Variants in FCSK observed in about 807,000 individuals in gnomAD.
The protein encoded by FCSK is fucose kinase.
A neutral mutation model predicts 122.5 loss-of-function variants in FCSK; 123 were observed. The observed-to-expected ratio is 1.00, with a 90% CI of 0.87 to 1.17. FCSK has a LOEUF of 1.17. Ranked by LOEUF, FCSK falls within the 50% of genes most tolerant of loss-of-function variation. The pLI is 0.00. For missense variants in FCSK, 1,366 were observed against 1,450.4 expected (o/e 0.94, Z 0.95); for synonymous variants, 620 against 625.5 (o/e 0.99, Z 0.13).
chr16:70,479,197 G>A lies in FCSK; in HGVS notation c.2947G>A (p.Gly983Ser), dbSNP rs1308172389. Reference protein sequence around the residue: ...GFRQGSLPLLGQCLTSYWEQK... With the variant: ...GFRQGSLPLLSQCLTSYWEQK... Reference sequence around the variant, plus strand: ...CACCTCAGGAAGCCTGCCTCTGCTGGGCCAGTGCCTGACCTCGTACTGGGA... The same window carrying A: ...CACCTCAGGAAGCCTGCCTCTGCTGAGCCAGTGCCTGACCTCGTACTGGGA... Residue 983 changes from glycine to serine, a missense_variant, in exon 23 of 24, where the codon GGC becomes AGC. Gly to Ser is a moderately conservative substitution (Grantham distance 56). Coordinates refer to ENST00000288078, the MANE Select transcript of FCSK (RefSeq NM_145059.3). 6.2e-7 allele frequency: 1 copy of A among 1,613,350 alleles called. No homozygotes were observed. Among genetic ancestry groups the A allele is most frequent in the South Asian group, 1.1e-5 (1 of 91,064 alleles).
rs2048725410 is a variant in FCSK at position 70,474,303 on chromosome 16, A to T, written c.1952A>T (p.Glu651Val). ...TGTGGAGACCTGGCAGCGGGCGTGGAGGCGCTTGCCCAGGAGAGGGACAAG... is the reference window on the plus strand; with the variant it reads ...TGTGGAGACCTGGCAGCGGGCGTGGTGGCGCTTGCCCAGGAGAGGGACAAG... ...LECGDLAAGVEALAQERDKWL... is the reference protein window; with the variant it reads ...LECGDLAAGVVALAQERDKWL... Residue 651 changes from glutamate (E) to valine (V), a missense_variant, in exon 16 of 24, where the codon GAG (glutamate) becomes GTG (valine). Transcript: ENST00000288078. The T allele has an allele frequency of 6.2e-7, 1 of 1,613,598 alleles. No homozygotes were observed.
chr16:70,467,310 T>C, intron 6 of FCSK, 64 bp from the exon 7 acceptor site: 2 of 1,203,988 alleles, frequency 1.7e-6, no homozygotes, highest in Non-Finnish European at 2.4e-6. Flanking sequence ...TGCTTCCACC[T>C]GGTGGGGAAA....
chr16:70,466,061 G>T, intron 4 of FCSK, 71 bp from the exon 5 acceptor site: 2 of 1,539,226 alleles, frequency 1.3e-6, no homozygotes, highest in Non-Finnish European at 8.9e-7. Context: ...ATGGCTTTCT[G>T]CCTGCACAGC....
intron 1 of FCSK, among the ~76,000 whole-genome samples, chr16:70,455,857 A>C (rs1436631584): frequency 2.7e-5 from 4 of 150,132 alleles, no homozygotes; most frequent in Non-Finnish European, 5.9e-5. Flanking sequence ...GCGCCATTGC[A>C]CTCCAGCCTG....
chr16:70,479,858 G>A lies in FCSK; in HGVS notation c.*178G>A. 3.5e-6 allele frequency: 2 copies of A among 564,732 alleles called. No homozygotes were observed. Among genetic ancestry groups the A allele is most frequent in the Non-Finnish European group, 6.3e-6 (2 of 317,176 alleles). 35.0% of individuals were successfully genotyped at this position (564,732 alleles called of 1,614,324 possible). ...AGTGCCTGGGACAGGACTGTGACCTGGTGGACAGGGGCCTAGATGTAGCCT... is the reference window on the plus strand; with the variant it reads ...AGTGCCTGGGACAGGACTGTGACCTAGTGGACAGGGGCCTAGATGTAGCCT... On this transcript the variant is annotated 3_prime_UTR_variant, in exon 24 of 24. Coordinates refer to ENST00000288078, the MANE Select transcript of FCSK (RefSeq NM_145059.3).
At chr16:70,461,173 G>A (rs2048253226) in intron 1 of FCSK, among the ~76,000 whole-genome samples, 1 of 152,240 alleles carries the variant, frequency 6.6e-6, no homozygotes, top group Admixed American at 6.5e-5. Flanking sequence ...AATAGCCTGT[G>A]GCTGAGCTTC....
chr16:70,473,728 C>T lies in FCSK; in HGVS notation c.1777+375C>T, dbSNP rs1311422971. On this transcript the variant is annotated intron_variant, in intron 15 of 23. Transcript: ENST00000288078. This position sits in a 1 kb window ranked among gnomAD's most constrained non-coding sequence, Gnocchi z 4.9. ...TCTGCATGAGGTCCCAAGCACACTT[C>T]CGGGGGCTCACAGCCTTAGCCTCCT... 6.6e-6 allele frequency among the ~76,000 whole-genome samples: 1 copy of T among 152,196 alleles called. No homozygotes were observed. Among genetic ancestry groups the T allele is most frequent in the Admixed American group, 6.5e-5 (1 of 15,284 alleles).
Position 70,459,223 on chromosome 16 carries a change from T to TA in FCSK, c.-22-3930dup, listed in dbSNP as rs10596122. Among the ~76,000 whole-genome samples the TA allele has an allele frequency of 6.1e-3, 801 of 131,878 alleles. 12 individuals are homozygous for TA. The highest frequency in any genetic ancestry group is 0.016 in the African/African-American group (614 of 37,922). 86.5% of individuals were successfully genotyped at this position (131,878 alleles called of 152,430 possible). A position where few individuals can be genotyped will look rare whatever the true frequency, so the allele number is the denominator to read the frequency against. On this transcript the variant is annotated intron_variant, in intron 1 of 23. Coordinates refer to ENST00000288078, the MANE Select transcript of FCSK (RefSeq NM_145059.3). ...GGGTGACAGATTGAGACCCTGTCTT[T>TA]AAAAAAAAAAAAAAAAGTAAAAAAG...
At chr16:70,477,884 T>C (rs2048865305) in intron 20 of FCSK, 1 of 189,240 alleles carries the variant, frequency 5.3e-6, no homozygotes, top group Admixed American at 5.4e-5. Flanking sequence ...GATTTCACCA[T>C]GTTGGCCAGG....
chr16:70,474,933 C>T lies in FCSK; in HGVS notation c.2299C>T (p.Arg767Trp), dbSNP rs376138712. Residue 767 changes from arginine to tryptophan, a missense_variant, in exon 18 of 24, where the codon CGG becomes TGG. Arg to Trp is a moderately radical substitution (Grantham distance 101). Coordinates refer to ENST00000288078, the MANE Select transcript of FCSK (RefSeq NM_145059.3). The part of the protein sequence containing the change: ...EPELWLAVGP[R>W]QDEMTVKIVC... ...TGAGCTGTGGCTGGCGGTGGGGCCTCGGCAGGATGAGATGACTGTGAAGAT... is the reference window on the plus strand; with the variant it reads ...TGAGCTGTGGCTGGCGGTGGGGCCTTGGCAGGATGAGATGACTGTGAAGAT... The T allele has an allele frequency of 1.1e-5, 17 of 1,611,242 alleles. No individual in the cohort carries two copies. The highest frequency in any genetic ancestry group is 4.0e-5 in the African/African-American group (3 of 74,892).
chr16:70,464,622 G>C (rs2048360340), intron 3 of FCSK, among the ~76,000 whole-genome samples: 1 of 150,208 alleles, frequency 6.7e-6, no homozygotes, highest in African/African-American at 2.5e-5. Flanking sequence ...ATTGCAGTGA[G>C]CTGAGATCAT....
intron 4 of FCSK, among the ~76,000 whole-genome samples, chr16:70,465,608 T>C (rs1287135159): frequency 6.6e-6 from 1 of 151,006 alleles, no homozygotes; most frequent in African/African-American, 2.4e-5. Flanking sequence ...CAGTGAGTTA[T>C]GATTACACCA....
At chr16:70,463,336 C>T (rs1306229218) in intron 2 of FCSK, 64 bp downstream of exon 2, 2 of 1,404,428 alleles carry the variant, frequency 1.4e-6, no homozygotes, top group Non-Finnish European at 2.0e-6. Context: ...CTGGCTATGT[C>T]CCTCCAACAC....
At position 70,479,419 on chromosome 16, in the gene FCSK, G is replaced by C. The variant is rs933479068; in HGVS notation, c.3153+16G>C. ...CAAGACCGAGGTACTGATGGGGCTGGGGTTGGTAAAGAGACCTCTGGGGGC... is the reference window on the plus strand; with the variant it reads ...CAAGACCGAGGTACTGATGGGGCTGCGGTTGGTAAAGAGACCTCTGGGGGC... On this transcript the variant is annotated intron_variant, in intron 23 of 23. Transcript: ENST00000288078. The C allele has an allele frequency of 4.4e-6, 7 of 1,606,372 alleles. No individual in the cohort carries two copies. The South Asian group carries it at 6.6e-5, about 15-fold the overall frequency.
intron 20 of FCSK, 71 bp downstream of exon 20, chr16:70,475,838 C>G (rs2048794708): frequency 1.4e-6 from 2 of 1,435,208 alleles, no homozygotes; most frequent in South Asian, 2.9e-5. Flanking sequence ...GAGTGGGGCT[C>G]CCCTGGATTT....
At position 70,465,119 on chromosome 16, in the gene FCSK, C is replaced by T. The variant is rs1165578953; in HGVS notation, c.235-7C>T. The T allele has an allele frequency of 1.9e-6, 3 of 1,613,680 alleles. 1 individual carries two copies. The highest frequency in any genetic ancestry group is 2.7e-5 in the African/African-American group (2 of 74,920). ...CCTCTGTTCACAGGGCTTTCCCACTCCTGCAGGTGGTCACATCCGATGTCC... is the reference window on the plus strand; with the variant it reads ...CCTCTGTTCACAGGGCTTTCCCACTTCTGCAGGTGGTCACATCCGATGTCC... On this transcript the variant is annotated splice_polypyrimidine_tract_variant and splice_region_variant and intron_variant, in intron 3 of 23. Coordinates refer to ENST00000288078, the MANE Select transcript of FCSK (RefSeq NM_145059.3).
rs754213321 is a variant in FCSK, at chr16:70,463,169, G to A, written c.-22G>A. 11 of 1,604,600 alleles carry A rather than the reference G, an allele frequency of 6.9e-6. No individual in the cohort carries two copies. The East Asian group carries it at 1.6e-4, about 23-fold the overall frequency. On this transcript the variant is annotated splice_region_variant and 5_prime_UTR_variant, in exon 2 of 24. Transcript: ENST00000288078. The stretch of plus-strand genomic sequence containing the variant: ...ACATCTACCCATATTGCTGTCTCAG[G>A]AAGCCCCTCCGCTTGGCCAGAATGG...
At position 70,475,642 on chromosome 16, in the gene FCSK, C is replaced by G. The variant is rs769192117; in HGVS notation, c.2522-6C>G. 3.1e-6 allele frequency: 5 copies of G among 1,587,396 alleles called. No homozygotes were observed. The highest frequency in any genetic ancestry group is 3.4e-6 in the Non-Finnish European group (4 of 1,163,882). On this transcript the variant is annotated splice_region_variant and splice_polypyrimidine_tract_variant and intron_variant, in intron 19 of 23. Coordinates refer to ENST00000288078, the MANE Select transcript of FCSK (RefSeq NM_145059.3). ...TCATGTCTGCTCTCTCCTCTCCGCCCTGCAGGCACCAGCAGCATCCTGGCA... is the reference window on the plus strand; with the variant it reads ...TCATGTCTGCTCTCTCCTCTCCGCCGTGCAGGCACCAGCAGCATCCTGGCA...
chr16:70,465,138 G>T lies in FCSK; in HGVS notation c.247G>T (p.Asp83Tyr). 2 of 1,613,870 alleles carry T rather than the reference G, an allele frequency of 1.2e-6. No homozygotes were observed. Among genetic ancestry groups the T allele is most frequent in the East Asian group, 2.2e-5 (1 of 44,880 alleles). ...CCCACTCCTGCAGGTGGTCACATCC[G>T]ATGTCCTGCACTCGGCCTGGATCCT... ...ARAGFTVVTS[D>Y]VLHSAWILIL... Residue 83 changes from aspartate to tyrosine, a missense_variant, in exon 4 of 24, where the codon GAT (aspartate) becomes TAT (tyrosine). By Grantham distance (160) the Asp-to-Tyr change is radical. Transcript: ENST00000288078.
Sources: allele counts gnomAD v4.1 joint callset (sites outside exome capture counted in the v4.1 genomes callset), GRCh38; gene constraint gnomAD v4.1.1; non-coding constraint Gnocchi (gnomAD v3.1); transcripts MANE v1.5; gene names NCBI Gene and HGNC (gene_info 2026-07-23, HGNC 2026-07-21).